Variants in SLC9A9 observed in about 807,000 individuals in gnomAD.
SLC9A9 encodes solute carrier family 9 member A9.
In SLC9A9, 62 loss-of-function variants were observed where a neutral mutation model predicts 77.8. The ratio of observed to expected loss-of-function variants is 0.80; its 90% CI spans 0.65 to 0.98. SLC9A9 has a LOEUF of 0.98. Ranked by LOEUF, SLC9A9 falls within the 50% of genes least tolerant of loss-of-function variation. The pLI is 0.00. For synonymous variants in SLC9A9, 320 were observed against 283.5 expected, an observed-to-expected ratio of 1.13 and a Z score of -1.29; for missense variants, 775 against 774.9, an observed-to-expected ratio of 1.00 and a Z score of 0.00.
At chr3:143,267,167 G>A (rs953380099) in intron 15 of SLC9A9, among the ~76,000 whole-genome samples, 4 of 152,046 alleles carry the variant, frequency 2.6e-5, no homozygotes, top group Non-Finnish European at 5.9e-5. Context: ...AGGTGTTAAA[G>A]AGCATGGTAC....
intron 14 of SLC9A9, among the ~76,000 whole-genome samples, chr3:143,319,769 C>G (rs995899609): frequency 6.6e-6 from 1 of 152,222 alleles, no homozygotes; most frequent in African/African-American, 2.4e-5. Flanking sequence ...GTAAGGATGT[C>G]TGCTGAAATT....
At chr3:143,465,349 A>G (rs1274920498) in intron 12 of SLC9A9, among the ~76,000 whole-genome samples, 1 of 152,194 alleles carries the variant, frequency 6.6e-6, no homozygotes, top group Non-Finnish European at 1.5e-5. Context: ...GCTGGACCAG[A>G]TATTAAGGGG....
chr3:143,484,325 T>C (rs2035621888), intron 11 of SLC9A9, among the ~76,000 whole-genome samples: 1 of 152,250 alleles, frequency 6.6e-6, no homozygotes, highest in African/African-American at 2.4e-5. Context: ...TTGTTTGATC[T>C]ATTTTGTTAA....
intron 14 of SLC9A9, among the ~76,000 whole-genome samples, chr3:143,306,829 C>A (rs933067485): frequency 6.6e-6 from 1 of 152,214 alleles, no homozygotes; most frequent in Non-Finnish European, 1.5e-5. Flanking sequence ...CTCCTACACT[C>A]TCTGGTATTT....
intron 12 of SLC9A9, among the ~76,000 whole-genome samples, chr3:143,429,765 C>CGGT (rs72600154): frequency 2.6e-5 from 4 of 151,818 alleles, no homozygotes; most frequent in Non-Finnish European, 2.9e-5. Context: ...GTCCTCAGAG[C>CGGT]GTGTGTAGGA....
At chr3:143,507,505 C>A (rs1359113987) in intron 9 of SLC9A9, among the ~76,000 whole-genome samples, 1 of 152,030 alleles carries the variant, frequency 6.6e-6, no homozygotes, top group Non-Finnish European at 1.5e-5. Context: ...CTGCGCCTGG[C>A]CCAGCCTCTC....
chr3:143,337,268 C>T (rs2031954950), intron 14 of SLC9A9, among the ~76,000 whole-genome samples: 1 of 151,996 alleles, frequency 6.6e-6, no homozygotes, highest in Non-Finnish European at 1.5e-5. Context: ...CTCCTTCCAC[C>T]CCCCACCCTC....
intron 6 of SLC9A9, among the ~76,000 whole-genome samples, chr3:143,613,780 C>A (rs916359022): frequency 4.6e-5 from 7 of 151,826 alleles, no homozygotes; most frequent in Non-Finnish European, 5.9e-5. Flanking sequence ...ATCCTCATAC[C>A]ACATTGCAAT....
chr3:143,363,659 A>T (rs2032818179), intron 13 of SLC9A9, 96 bp from the exon 14 acceptor site: 7 of 1,122,594 alleles, frequency 6.2e-6, no homozygotes, highest in East Asian at 5.5e-5. Context: ...AACTACATTT[A>T]AAAAAAACCT....
At chr3:143,754,604 G>A (rs924700385) in intron 4 of SLC9A9, among the ~76,000 whole-genome samples, 7 of 152,214 alleles carry the variant, frequency 4.6e-5, no homozygotes, top group East Asian at 1.9e-4. Context: ...CCATGTAAGC[G>A]AGCTACTGAA....
At chr3:143,662,048 G>A (rs555556525) in intron 5 of SLC9A9, among the ~76,000 whole-genome samples, 3 of 152,196 alleles carry the variant, frequency 2.0e-5, no homozygotes, top group Admixed American at 6.5e-5. Context: ...ATTTTTTAGT[G>A]GTGTGATTTA....
chr3:143,602,162 T>G (rs1475044656), intron 6 of SLC9A9, among the ~76,000 whole-genome samples: 1 of 152,256 alleles, frequency 6.6e-6, no homozygotes, highest in Non-Finnish European at 1.5e-5. Flanking sequence ...TGTCATTTAT[T>G]GTCTCAAATC....
chr3:143,397,530 C>A (rs1379430832), intron 12 of SLC9A9, among the ~76,000 whole-genome samples: 3 of 152,176 alleles, frequency 2.0e-5, no homozygotes, highest in Non-Finnish European at 4.4e-5. Flanking sequence ...AAACCTAAAA[C>A]CTGAAAACCA....
intron 9 of SLC9A9, among the ~76,000 whole-genome samples, chr3:143,536,401 C>A (rs1219060791): frequency 6.6e-6 from 1 of 152,202 alleles, no homozygotes; most frequent in Non-Finnish European, 1.5e-5. Context: ...GTCAAAGGTA[C>A]TAATTTTCAC....
At chr3:143,438,242 G>C (rs1038226042) in intron 12 of SLC9A9, among the ~76,000 whole-genome samples, 1 of 152,216 alleles carries the variant, frequency 6.6e-6, no homozygotes, top group Non-Finnish European at 1.5e-5. Context: ...TGATTCTATT[G>C]CCTGTCATGT....
intron 4 of SLC9A9, among the ~76,000 whole-genome samples, chr3:143,778,442 C>T (rs1181182072): frequency 6.6e-6 from 1 of 152,184 alleles, no homozygotes; most frequent in Non-Finnish European, 1.5e-5. Context: ...TATCGCACAG[C>T]AATTTCACTA....
chr3:143,311,413 GA>G (rs1329223388), intron 14 of SLC9A9, among the ~76,000 whole-genome samples: 2 of 152,198 alleles, frequency 1.3e-5, no homozygotes, highest in Admixed American at 1.3e-4. Flanking sequence ...TGTGGGGCCT[GA>G]ACCCAGCATT....
At chr3:143,758,350 CAT>C (rs1390270877) in intron 4 of SLC9A9, among the ~76,000 whole-genome samples, 3 of 152,164 alleles carry the variant, frequency 2.0e-5, no homozygotes, top group Admixed American at 6.6e-5. Context: ...AGAATGATCA[CAT>C]GTTATAATAT....
intron 4 of SLC9A9, among the ~76,000 whole-genome samples, chr3:143,728,821 C>T (rs1290599292): frequency 2.0e-5 from 3 of 151,926 alleles, no homozygotes; most frequent in African/African-American, 7.3e-5. Context: ...ATGGAAACAA[C>T]AAGTATGACC....
Sources: gnomAD v4.1 joint callset for allele counts (sites outside exome capture counted in the v4.1 genomes callset) on GRCh38, gnomAD v4.1.1 for gene constraint, MANE v1.5 for transcripts, NCBI Gene and HGNC (gene_info 2026-07-23, HGNC 2026-07-21) for gene names.